The following NEK10 variants were observed in gnomAD, a reference collection of about 807,000 sequenced individuals.
NEK10 encodes NIMA related kinase 10.
Under a neutral mutation model 159.8 loss-of-function variants are expected in NEK10, and 122 were observed. That is an observed-to-expected ratio of 0.76 (90% CI 0.66 to 0.89). The LOEUF is 0.89. Ranked by LOEUF, NEK10 falls within the 40% of genes least tolerant of loss-of-function variation. The probability of loss-of-function intolerance (pLI) is 0.00; values close to 1 mark genes in which losing one functional copy is unlikely to be tolerated. For synonymous variants in NEK10, 466 were observed against 457.1 expected (o/e 1.02, Z -0.25); for missense variants, 1,342 against 1,323.1 (o/e 1.01, Z -0.22).
chr3:27,160,489 AT>A (rs1433025990), intron 30 of NEK10, among the ~76,000 whole-genome samples: 1 of 152,228 alleles, frequency 6.6e-6, no homozygotes, highest in Non-Finnish European at 1.5e-5. Flanking sequence ...TAAAGTTCTC[AT>A]TTTCTGACAT....
chr3:27,321,658 C>G (rs2045648848), intron 6 of NEK10, among the ~76,000 whole-genome samples: 1 of 152,168 alleles, frequency 6.6e-6, no homozygotes, highest in Non-Finnish European at 1.5e-5. Context: ...GGAAAAGATT[C>G]TTGACCTCAG....
At chr3:27,167,017 G>A (rs1946547650) in intron 29 of NEK10, among the ~76,000 whole-genome samples, 1 of 152,012 alleles carries the variant, frequency 6.6e-6, no homozygotes, top group Non-Finnish European at 1.5e-5. Flanking sequence ...TGCATACACT[G>A]ATGAATCAAA....
At chr3:27,174,549 A>G in intron 27 of NEK10, 24 bp from the exon 28 acceptor site, 1 of 1,601,462 alleles carries the variant, frequency 6.2e-7, no homozygotes, top group Non-Finnish European at 8.5e-7. Flanking sequence ...AAAACAATAA[A>G]AAAGCAAATG....
At chr3:27,201,659 T>G in intron 24 of NEK10, 79 bp from the exon 25 acceptor site, 1 of 967,390 alleles carries the variant, frequency 1.0e-6, no homozygotes, top group Non-Finnish European at 1.6e-6. Flanking sequence ...GACCATAACC[T>G]GAGAGTTACT....
Position 27,294,625 on chromosome 3 carries a change from G to A in NEK10, c.1309-973C>T, listed in dbSNP as rs140782953. Among the ~76,000 whole-genome samples, 250 of 152,184 alleles carry A rather than the reference G, an allele frequency of 1.6e-3. 5 individuals are homozygous for A. Among genetic ancestry groups the A allele is most frequent in the Admixed American group, 0.013 (191 of 15,276 alleles). On this transcript the variant is annotated intron_variant, in intron 15 of 35. Transcript: ENST00000691995. ...TCAAGTCCCATGCCTGCACCTTCCC[G>A]TTGGTAGCGCTCCAAAAACCCCTGC...
chr3:27,139,702 AT>A (rs2125568187), intron 31 of NEK10, among the ~76,000 whole-genome samples: 1 of 152,264 alleles, frequency 6.6e-6, no homozygotes, highest in African/African-American at 2.4e-5. Context: ...GTACTTAACC[AT>A]GGTCTGTGTT....
intron 20 of NEK10, among the ~76,000 whole-genome samples, chr3:27,285,831 G>C (rs1388851694): frequency 6.6e-6 from 1 of 152,058 alleles, no homozygotes; most frequent in African/African-American, 2.4e-5. Context: ...AGTACACACA[G>C]ATCCATACCA....
intron 22 of NEK10, among the ~76,000 whole-genome samples, chr3:27,256,898 T>C (rs1956239698): frequency 6.7e-6 from 1 of 149,574 alleles, no homozygotes; most frequent in South Asian, 2.1e-4. Context: ...TTCAGGTACT[T>C]CTCTTTTTTC....
At chr3:27,242,024 T>A (rs998712880) in intron 23 of NEK10, among the ~76,000 whole-genome samples, 1 of 152,204 alleles carries the variant, frequency 6.6e-6, no homozygotes, top group Middle Eastern at 3.2e-3. Context: ...AAGAAAGAAT[T>A]CTGAATGGTT....
intron 23 of NEK10, among the ~76,000 whole-genome samples, chr3:27,249,949 TTA>T (rs1025514176): frequency 6.6e-6 from 1 of 152,176 alleles, no homozygotes; most frequent in Non-Finnish European, 1.5e-5. Context: ...ACCCATTATT[TTA>T]AACTGATGAT....
In NEK10 at chr3:27,107,170, G is replaced by A. The variant is rs571839248; in HGVS notation, c.*4102C>T. Among the ~76,000 whole-genome samples the A allele has an allele frequency of 6.6e-6, 1 of 151,820 alleles. No individual in the cohort carries two copies. On this transcript the variant is annotated 3_prime_UTR_variant, in exon 36 of 36. Transcript: ENST00000691995. ...AGCAAGTATGCAGCTGTGATTTTAG[G>A]GTACGTGATCTTCATTTTTAAAAAC...
chr3:27,330,744 C>A (rs944051903), intron 5 of NEK10, among the ~76,000 whole-genome samples: 1 of 152,058 alleles, frequency 6.6e-6, no homozygotes, highest in Non-Finnish European at 1.5e-5. Flanking sequence ...GTGCTTCAGG[C>A]AGAGGACTAC....
rs1219926898 is a variant in NEK10, at chr3:27,108,322, G to T, written c.*2950C>A. 6.6e-6 allele frequency among the ~76,000 whole-genome samples: 1 copy of T among 152,178 alleles called. No individual in the cohort carries two copies. The highest frequency in any genetic ancestry group is 1.5e-5 in the Non-Finnish European group (1 of 68,032). On this transcript the variant is annotated 3_prime_UTR_variant, in exon 36 of 36. Coordinates refer to ENST00000691995, the MANE Select transcript of NEK10 (RefSeq NM_001394966.1). Reference sequence around the variant, plus strand: ...TCATCCACAAGCAGTGGGTCCAAGTGTCCACGTCACTATTCCCTTGAAGAC... The same window carrying T: ...TCATCCACAAGCAGTGGGTCCAAGTTTCCACGTCACTATTCCCTTGAAGAC...
At chr3:27,309,666 A>G (rs764009232) in intron 9 of NEK10, 1 of 152,226 alleles carries the variant, frequency 6.6e-6, no homozygotes, top group Non-Finnish European at 1.5e-5. Context: ...GATTAATGAC[A>G]TAAATTACAA....
chr3:27,163,502 C>T (rs1946211668), intron 29 of NEK10, among the ~76,000 whole-genome samples: 1 of 152,108 alleles, frequency 6.6e-6, no homozygotes, highest in Admixed American at 6.6e-5. Context: ...CAGGTGCCCG[C>T]CACCACGCCC....
chr3:27,357,828 T>A (rs1287170642), intron 1 of NEK10, among the ~76,000 whole-genome samples: 1 of 152,140 alleles, frequency 6.6e-6, no homozygotes, highest in Admixed American at 6.5e-5. Context: ...CTGAGGGGAC[T>A]AACCCAGAAA....
At chr3:27,364,948 A>T (rs1382913982) in intron 1 of NEK10, among the ~76,000 whole-genome samples, 1 of 152,190 alleles carries the variant, frequency 6.6e-6, no homozygotes. Context: ...TTTACACATG[A>T]AGGAAATGAG....
At chr3:27,316,811 GAGAC>G (rs911197829) in intron 6 of NEK10, among the ~76,000 whole-genome samples, 3 of 151,896 alleles carry the variant, frequency 2.0e-5, no homozygotes, top group Admixed American at 6.6e-5. Flanking sequence ...AAAAGAGAGA[GAGAC>G]AGAGAGAAAG....
chr3:27,326,334 G>A (rs2045997648), intron 5 of NEK10, among the ~76,000 whole-genome samples: 1 of 152,284 alleles, frequency 6.6e-6, no homozygotes, highest in Non-Finnish European at 1.5e-5. Flanking sequence ...GTAATGATCA[G>A]GTTGCAACAG....
Sources: gnomAD v4.1 joint callset for allele counts (sites outside exome capture counted in the v4.1 genomes callset) on GRCh38, gnomAD v4.1.1 for gene constraint, MANE v1.5 for transcripts, NCBI Gene and HGNC (gene_info 2026-07-23, HGNC 2026-07-21) for gene names.